Variants in MYH16 observed in about 807,000 individuals in gnomAD.
MYH16 encodes the protein myosin heavy chain 16, also known as putative uncharacterized protein MYH16.
intron 5 of MYH16, among the ~76,000 whole-genome samples, chr7:99,250,934 T>C (rs968813991): frequency 5.9e-5 from 9 of 152,156 alleles, no homozygotes; most frequent in Admixed American, 2.6e-4. Context: ...GGTTACTACA[T>C]GTAGCCCCTC....
exon 22 of MYH16, chr7:99,279,636 C>G (rs1440793586): frequency 4.4e-6 from 2 of 456,594 alleles, no homozygotes; most frequent in Non-Finnish European, 8.8e-6. Context: ...GGCGGCCTCA[C>G]TGAGTGCCGC....
At chr7:99,306,071 C>T (rs1160114424) in intron 41 of MYH16, 35 bp downstream of exon 22, 1 of 152,660 alleles carries the variant, frequency 6.6e-6, no homozygotes, top group Non-Finnish European at 1.5e-5. Context: ...TCCTCCTTCC[C>T]TCACTCTTGT....
chr7:99,241,362 C>G (rs1454664811), intron 1 of MYH16, among the ~76,000 whole-genome samples: 1 of 152,164 alleles, frequency 6.6e-6, no homozygotes, highest in Non-Finnish European at 1.5e-5. Context: ...GAGGGTGGAT[C>G]ACCTGAGGTC....
At chr7:99,260,099 C>T (rs1002552392) in intron 11 of MYH16, 4 of 1,425,866 alleles carry the variant, frequency 2.8e-6, no homozygotes, top group Non-Finnish European at 3.9e-6. Flanking sequence ...TCGCTTCATT[C>T]AATCCTGGGA....
At chr7:99,271,505 G>A (rs756003767) in intron 19 of MYH16, among the ~76,000 whole-genome samples, 17 of 152,084 alleles carry the variant, frequency 1.1e-4, no homozygotes, top group South Asian at 4.2e-4. Context: ...GCAAAACTCC[G>A]TCTCAAAAAA....
chr7:99,308,813 TG>T (rs1792717408), downstream of MYH16, among the ~76,000 whole-genome samples: 1 of 152,158 alleles, frequency 6.6e-6, no homozygotes, highest in South Asian at 2.1e-4. Flanking sequence ...CTGAAAGGGC[TG>T]GGCGCAGTGT....
At position 99,294,843 on chromosome 7, in the gene MYH16, G is replaced by A. The variant is rs555965383; in HGVS notation, n.4282+693G>A. On this transcript the variant is annotated intron_variant and non_coding_transcript_variant, in intron 33 of 41. Transcript: ENST00000439784. ...GGCCTCCCTAAGTGCCAGGATTATA[G>A]GCGTGAGCCACTGTGCCCAGCCCCC... Among the ~76,000 whole-genome samples the A allele has an allele frequency of 5.9e-5, 9 of 152,154 alleles. No homozygotes were observed. In the South Asian group the frequency reaches 1.2e-3, roughly 21 times the overall value.
In MYH16 at chr7:99,275,467, C is replaced by T. The variant is rs184354681; in HGVS notation, n.2485+2044C>T. On this transcript the variant is annotated intron_variant and non_coding_transcript_variant, in intron 20 of 41. Coordinates refer to ENST00000439784, the Ensembl canonical transcript of MYH16. ...ACTTTGTAGTCTTACCTGCTTTAAT[C>T]TCATCCTAAGCAAATGTTACCCACA... Among the ~76,000 whole-genome samples, 16 of 152,330 alleles carry T rather than the reference C, an allele frequency of 1.1e-4. No homozygotes were observed. The East Asian group carries it at 2.5e-3, about 24-fold the overall frequency.
intron 33 of MYH16, among the ~76,000 whole-genome samples, chr7:99,294,500 CAAAAAAAA>C (rs1159682450): frequency 3.9e-5 from 1 of 25,570 alleles, no homozygotes; most frequent in African/African-American, 1.0e-4. Context: ...GACCCTGTCT[CAAAAAAAA>C]AAAAAAAAAA....
chr7:99,302,306 A>G (rs1792605929), intron 38 of MYH16, among the ~76,000 whole-genome samples: 1 of 119,698 alleles, frequency 8.4e-6, no homozygotes, highest in Non-Finnish European at 1.6e-5. Flanking sequence ...TCTCAAAAAA[A>G]AAAAAATATA....
At chr7:99,298,192 T>G (rs908987576) in intron 36 of MYH16, among the ~76,000 whole-genome samples, 197 bp downstream of exon 17, 1 of 151,968 alleles carries the variant, frequency 6.6e-6, no homozygotes, top group Non-Finnish European at 1.5e-5. Flanking sequence ...GAACACTTTG[T>G]TTTTTGGGTT....
chr7:99,273,069 C>T (rs1160641610), intron 19 of MYH16, among the ~76,000 whole-genome samples: 1 of 152,144 alleles, frequency 6.6e-6, no homozygotes, highest in Non-Finnish European at 1.5e-5. Flanking sequence ...ATGCAGGAGT[C>T]AATGACTGGT....
At chr7:99,272,355 G>A (rs946258421) in intron 19 of MYH16, among the ~76,000 whole-genome samples, 3 of 152,116 alleles carry the variant, frequency 2.0e-5, no homozygotes, top group Admixed American at 1.3e-4. Context: ...TTCATGCAGA[G>A]CCAGGATTAG....
chr7:99,256,472 A>T (rs925189001), intron 9 of MYH16, among the ~76,000 whole-genome samples: 1 of 151,730 alleles, frequency 6.6e-6, no homozygotes. Context: ...CTATCTCAAA[A>T]AAAATAAAAT....
intron 37 of MYH16, 97 bp downstream of exon 18, chr7:99,299,755 C>T (rs931425754): frequency 6.6e-6 from 1 of 152,186 alleles, no homozygotes; most frequent in African/African-American, 2.4e-5. Context: ...ATGTCTTCAG[C>T]TAGCATAAAG....
At chr7:99,281,877 T>C (rs1274894745) in intron 23 of MYH16, among the ~76,000 whole-genome samples, 1 of 152,130 alleles carries the variant, frequency 6.6e-6, no homozygotes, top group African/African-American at 2.4e-5. Flanking sequence ...GTCCCTGTGT[T>C]TGCTGATACC....
chr7:99,283,733 G>C (rs3173585), intron 24 of MYH16, 82 bp downstream of exon 6: 1 of 451,106 alleles, frequency 2.2e-6, no homozygotes, highest in East Asian at 7.0e-5. Context: ...TTAGTTTTGA[G>C]AACTGGACCA....
chr7:99,243,977 T>TCATCCATC (rs547422876), intron 2 of MYH16, among the ~76,000 whole-genome samples: 1 of 148,380 alleles, frequency 6.7e-6, no homozygotes, highest in African/African-American at 2.5e-5. Context: ...ATCCAAACAT[T>TCATCCATC]CATCCATCCA....
intron 11 of MYH16, among the ~76,000 whole-genome samples, chr7:99,259,926 T>C (rs929476544): frequency 4.0e-5 from 6 of 151,820 alleles, no homozygotes; most frequent in African/African-American, 7.3e-5. Flanking sequence ...CTGAACATCA[T>C]ACTGTGTGGC....
Sources: gnomAD v4.1 joint callset for allele counts (sites outside exome capture counted in the v4.1 genomes callset) on GRCh38, gnomAD v4.1.1 for gene constraint, MANE v1.5 for transcripts, NCBI Gene and HGNC (gene_info 2026-07-23, HGNC 2026-07-21) for gene names.